The following TIMP2 variants were observed in gnomAD, a reference collection of about 807,000 sequenced individuals.
TIMP2 encodes TIMP metallopeptidase inhibitor 2.
A neutral mutation model predicts 24.3 loss-of-function variants in TIMP2; 5 were observed. That is an observed-to-expected ratio of 0.21 (90% CI 0.11 to 0.43). The LOEUF (loss-of-function observed/expected upper bound fraction) is 0.43. Among genes scored for constraint, TIMP2 ranks in the 20% least tolerant of loss-of-function variants. The probability of loss-of-function intolerance (pLI) is 1.00; values close to 1 mark genes in which losing one functional copy is unlikely to be tolerated. For missense variants in TIMP2, 221 were observed against 297.5 expected, an observed-to-expected ratio of 0.74 and a Z score of 1.89; for synonymous variants, 130 against 123.2, an observed-to-expected ratio of 1.06 and a Z score of -0.37.
At chr17:78,875,799 A>C (rs2069722760) in intron 1 of TIMP2, among the ~76,000 whole-genome samples, 1 of 152,158 alleles carries the variant, frequency 6.6e-6, no homozygotes, top group South Asian at 2.1e-4. Flanking sequence ...CACAGGGGCA[A>C]GGAGGCTCAG....
intron 3 of TIMP2, among the ~76,000 whole-genome samples, chr17:78,865,049 CATAA>C (rs1191999322): frequency 6.6e-6 from 1 of 151,832 alleles, no homozygotes; most frequent in Non-Finnish European, 1.5e-5. Flanking sequence ...GCCTCCGTCT[CATAA>C]ATAAATAAAA....
intron 3 of TIMP2, among the ~76,000 whole-genome samples, chr17:78,860,177 A>C (rs9916809): frequency 0.81 from 122,431 of 151,672 alleles, 49,625 homozygotes; most frequent in South Asian, 0.9. Context: ...CTCTGTCTTC[A>C]AAACAAAAAA....
intron 3 of TIMP2, among the ~76,000 whole-genome samples, chr17:78,862,371 G>A (rs980341488): frequency 7.2e-5 from 11 of 152,218 alleles, no homozygotes; most frequent in African/African-American, 2.7e-4. Context: ...TCAATGTGGA[G>A]TCATCTGACC....
intron 2 of TIMP2, among the ~76,000 whole-genome samples, chr17:78,873,291 T>C (rs1012648542): frequency 1.0e-4 from 13 of 127,562 alleles, no homozygotes; most frequent in African/African-American, 1.8e-4. Flanking sequence ...CTCCCTGCCC[T>C]CCCTGCCACA....
chr17:78,893,729 G>A (rs1568001436), intron 1 of TIMP2, among the ~76,000 whole-genome samples: 2 of 152,044 alleles, frequency 1.3e-5, no homozygotes. Flanking sequence ...GGAGAAGCTG[G>A]TGTTAGCTCT....
At position 78,854,930 on chromosome 17, in the gene TIMP2, G is replaced by T. The variant is rs1350076692; in HGVS notation, c.*737C>A. The T allele has an allele frequency of 6.2e-5, 8 of 128,278 alleles. No individual in the cohort carries two copies. Among genetic ancestry groups the T allele is most frequent in the South Asian group, 3.2e-4 (1 of 3,090 alleles). The allele number at this position is 128,278 out of a possible 1,614,324, so 7.9% of individuals were successfully genotyped here. On this transcript the variant is annotated 3_prime_UTR_variant, in exon 5 of 5. Transcript: ENST00000262768. ...CTGGGGAGCATGTGGGCGGGGGGGG[G>T]GGGGTGGGGGGGTGGGTGCAGACCA...
At chr17:78,863,834 C>A (rs9905930) in intron 3 of TIMP2, among the ~76,000 whole-genome samples, 23,772 of 152,116 alleles carry the variant, frequency 0.16, 2,031 homozygotes, top group South Asian at 0.23. Context: ...TCTCTGTGAT[C>A]ATCATTTCTG....
chr17:78,923,714 C>T (rs1270424832), intron 1 of TIMP2, among the ~76,000 whole-genome samples: 1 of 152,218 alleles, frequency 6.6e-6, no homozygotes, highest in African/African-American at 2.4e-5. Flanking sequence ...GCCTTCCGCC[C>T]AGGTGGCCTG....
At chr17:78,889,663 T>G (rs1274952945) in intron 1 of TIMP2, among the ~76,000 whole-genome samples, 1 of 152,224 alleles carries the variant, frequency 6.6e-6, no homozygotes, top group Non-Finnish European at 1.5e-5. Flanking sequence ...TCTCCATCTG[T>G]GCCTGTGGCC....
At chr17:78,874,339 G>A (rs1487584251) in intron 1 of TIMP2, among the ~76,000 whole-genome samples, 1 of 151,980 alleles carries the variant, frequency 6.6e-6, no homozygotes, top group Non-Finnish European at 1.5e-5. Context: ...GGGCAAGCAG[G>A]TACCCCATGG....
At chr17:78,912,503 A>C (rs1297820815) in intron 1 of TIMP2, among the ~76,000 whole-genome samples, 4 of 152,244 alleles carry the variant, frequency 2.6e-5, no homozygotes, top group African/African-American at 9.6e-5. Context: ...ACAGAAAGCC[A>C]GGCTCCAGCC....
At position 78,920,279 on chromosome 17, in the gene TIMP2, G is replaced by A. The variant is rs1037640311; in HGVS notation, c.130+4680C>T. 6.6e-6 allele frequency among the ~76,000 whole-genome samples: 1 copy of A among 152,216 alleles called. No homozygotes were observed. Among genetic ancestry groups the A allele is most frequent in the Non-Finnish European group, 1.5e-5 (1 of 68,030 alleles). ...CCTAGCAACCTGGCTGCGACAGCAG[G>A]GAGGAGGGAGGCAGTACCCAAGCCC... On this transcript the variant is annotated intron_variant, in intron 1 of 4. Coordinates refer to ENST00000262768, the MANE Select transcript of TIMP2 (RefSeq NM_003255.5). This position sits in a 1 kb window ranked among gnomAD's most constrained non-coding sequence, Gnocchi z 4.5.
intron 1 of TIMP2, among the ~76,000 whole-genome samples, chr17:78,910,622 C>G (rs1420605175): frequency 2.0e-5 from 3 of 152,166 alleles, no homozygotes; most frequent in Admixed American, 6.5e-5. Flanking sequence ...CTCTAGTATT[C>G]TCTGTTCTAC....
At chr17:78,905,924 T>C (rs1331426294) in intron 1 of TIMP2, among the ~76,000 whole-genome samples, 1 of 152,224 alleles carries the variant, frequency 6.6e-6, no homozygotes. Context: ...AGAATCATAA[T>C]AAAGTGAATA....
At chr17:78,890,997 G>C (rs2069882325) in intron 1 of TIMP2, 1 of 1,551,016 alleles carries the variant, frequency 6.4e-7, no homozygotes, top group African/African-American at 1.4e-5. Flanking sequence ...TTCTGCCTTT[G>C]CCTGGATGCC....
intron 1 of TIMP2, among the ~76,000 whole-genome samples, chr17:78,908,316 T>C (rs1378485597): frequency 2.0e-5 from 3 of 152,160 alleles, no homozygotes; most frequent in African/African-American, 7.2e-5. Context: ...AAATTATTTC[T>C]CTCAGAAAAA....
intron 1 of TIMP2, chr17:78,897,111 C>T (rs1306035207): frequency 2.0e-6 from 1 of 508,442 alleles, no homozygotes; most frequent in Non-Finnish European, 2.5e-6. Flanking sequence ...CCGCCCCCCG[C>T]CGGCCTCCTC....
intron 1 of TIMP2, among the ~76,000 whole-genome samples, chr17:78,919,112 G>A (rs918193685): frequency 5.3e-5 from 8 of 152,258 alleles, no homozygotes; most frequent in South Asian, 2.1e-4. Context: ...TTTGGCGGGC[G>A]GCAGCAGCAC....
chr17:78,905,998 A>G (rs1291207490), intron 1 of TIMP2, among the ~76,000 whole-genome samples: 1 of 152,270 alleles, frequency 6.6e-6, no homozygotes, highest in Non-Finnish European at 1.5e-5. Flanking sequence ...CCCAAATATA[A>G]ATGTTATGTT....
Sources: gnomAD v4.1 joint callset for allele counts (sites outside exome capture counted in the v4.1 genomes callset) on GRCh38, gnomAD v4.1.1 for gene constraint, Gnocchi (gnomAD v3.1) non-coding constraint, MANE v1.5 for transcripts, NCBI Gene and HGNC (gene_info 2026-07-23, HGNC 2026-07-21) for gene names.